The following EML4 variants were observed in gnomAD, a reference collection of about 807,000 sequenced individuals.
EML4 encodes the protein echinoderm microtubule-associated protein-like 4.
EML4 carries 72 observed loss-of-function variants against 129.0 expected under a neutral mutation model. That is an observed-to-expected ratio of 0.56 (90% CI 0.46 to 0.68). EML4 has a LOEUF of 0.68. Ranked by LOEUF, EML4 falls within the 30% of genes least tolerant of loss-of-function variation. The pLI is 0.00. For missense variants in EML4, 1,363 were observed against 1,190.6 expected, an observed-to-expected ratio of 1.14 and a Z score of -2.13; for synonymous variants, 532 against 405.0, an observed-to-expected ratio of 1.31 and a Z score of -3.77.
intron 6 of EML4, among the ~76,000 whole-genome samples, chr2:42,272,108 A>G (rs1040957417): frequency 2.0e-5 from 3 of 151,976 alleles, no homozygotes; most frequent in Non-Finnish European, 4.4e-5. Context: ...CCTGTCCAAA[A>G]ATGGCAGTTA....
chr2:42,259,945 T>C (rs1665619552), intron 3 of EML4, among the ~76,000 whole-genome samples: 1 of 151,910 alleles, frequency 6.6e-6, no homozygotes, highest in African/African-American at 2.4e-5. Context: ...TTAGGCAGGA[T>C]GGTCTTGATC....
chr2:42,297,754 T>C (rs910819208), intron 13 of EML4, among the ~76,000 whole-genome samples: 1 of 152,216 alleles, frequency 6.6e-6, no homozygotes, highest in Non-Finnish European at 1.5e-5. Context: ...CCAACCAAAA[T>C]TTGAGTGTAC....
intron 9 of EML4, 31 bp from the exon 10 acceptor site, chr2:42,286,238 C>G (rs1294054791): frequency 2.4e-6 from 3 of 1,244,568 alleles, no homozygotes; most frequent in Non-Finnish European, 1.2e-6. Flanking sequence ...ATCCACCTGT[C>G]CAGTTGCTCT....
intron 19 of EML4, among the ~76,000 whole-genome samples, chr2:42,318,848 G>A (rs1237832085): frequency 2.0e-5 from 3 of 151,958 alleles, no homozygotes; most frequent in African/African-American, 7.3e-5. Context: ...GGCACCATAG[G>A]TGTGTGCCAC....
At chr2:42,169,766 C>T (rs1053277241) in intron 1 of EML4, 130 bp downstream of exon 1, 5 of 1,028,918 alleles carry the variant, frequency 4.9e-6, no homozygotes, top group Admixed American at 3.3e-5. Context: ...ATGTTCCCTT[C>T]GAGGCTGCCG....
chr2:42,182,353 A>G (rs1670998687), intron 1 of EML4, among the ~76,000 whole-genome samples: 1 of 122,404 alleles, frequency 8.2e-6, no homozygotes, highest in African/African-American at 3.2e-5. Flanking sequence ...TCAGGTTCTG[A>G]TTGAACCTGT....
chr2:42,258,440 G>A (rs1665490836), intron 3 of EML4, among the ~76,000 whole-genome samples: 1 of 151,552 alleles, frequency 6.6e-6, no homozygotes, highest in Admixed American at 6.6e-5. Flanking sequence ...TGCTCTTGTT[G>A]CCCAGGCTGG....
intron 1 of EML4, among the ~76,000 whole-genome samples, chr2:42,232,658 G>C (rs1264641495): frequency 6.6e-6 from 1 of 152,188 alleles, no homozygotes; most frequent in African/African-American, 2.4e-5. Flanking sequence ...GTGCTTTCCT[G>C]AGTCTTACTT....
chr2:42,253,992 G>T (rs1675960540), intron 2 of EML4, among the ~76,000 whole-genome samples: 1 of 152,192 alleles, frequency 6.6e-6, no homozygotes, highest in Admixed American at 6.5e-5. Flanking sequence ...TAGAATAAGA[G>T]AAAATATTTG....
chr2:42,186,343 A>G (rs926895660), intron 1 of EML4, among the ~76,000 whole-genome samples: 1 of 152,204 alleles, frequency 6.6e-6, no homozygotes, highest in Non-Finnish European at 1.5e-5. Flanking sequence ...TATACTTGAA[A>G]AAAAAAAACT....
At chr2:42,273,670 A>G (rs553625525) in intron 6 of EML4, among the ~76,000 whole-genome samples, 4 of 143,144 alleles carry the variant, frequency 2.8e-5, no homozygotes, top group African/African-American at 4.9e-5. Flanking sequence ...AGCATTTTGT[A>G]CTTAGTCAGA....
chr2:42,276,871 A>G (rs943754204), intron 6 of EML4, among the ~76,000 whole-genome samples: 1 of 152,232 alleles, frequency 6.6e-6, no homozygotes, highest in African/African-American at 2.4e-5. Flanking sequence ...TCCAACATAT[A>G]TGACCAATTT....
chr2:42,231,400 G>A (rs924598260), intron 1 of EML4, among the ~76,000 whole-genome samples: 1 of 152,032 alleles, frequency 6.6e-6, no homozygotes, highest in African/African-American at 2.4e-5. Flanking sequence ...TCTAATTCAG[G>A]CCTCTATCTT....
intron 2 of EML4, 96 bp from the exon 3 acceptor site, chr2:42,256,405 A>G: frequency 8.3e-7 from 1 of 1,205,238 alleles, no homozygotes; most frequent in Non-Finnish European, 1.1e-6. Context: ...TTTTTTTTCT[A>G]CCACCCCCTC....
chr2:42,324,782 G>T (rs778777218), intron 19 of EML4, among the ~76,000 whole-genome samples: 1 of 152,218 alleles, frequency 6.6e-6, no homozygotes, highest in Non-Finnish European at 1.5e-5. Context: ...GTGCTTATAC[G>T]TGAAGCCAAC....
In EML4 at chr2:42,331,375, T is replaced by C. The variant is rs1670091109; in HGVS notation, c.*1168T>C. 4.4e-6 allele frequency: 1 copy of C among 224,974 alleles called. No individual in the cohort carries two copies. Among genetic ancestry groups the C allele is most frequent in the African/African-American group, 2.2e-5 (1 of 44,914 alleles). The allele number at this position is 224,974 out of a possible 1,614,324, so 13.9% of individuals were successfully genotyped here. Reference sequence around the variant, plus strand: ...AGTCTAATGTGGCTATCCTACTCTTTTGGGCAATGCATGTATTATGCATTG... The same window carrying C: ...AGTCTAATGTGGCTATCCTACTCTTCTGGGCAATGCATGTATTATGCATTG... On this transcript the variant is annotated 3_prime_UTR_variant, in exon 23 of 23. Coordinates refer to ENST00000318522, the MANE Select transcript of EML4 (RefSeq NM_019063.5).
chr2:42,312,512 C>T (rs1669016296), intron 17 of EML4, among the ~76,000 whole-genome samples: 2 of 152,042 alleles, frequency 1.3e-5, no homozygotes, highest in Non-Finnish European at 2.9e-5. Flanking sequence ...CATATCATAA[C>T]CCAGACAATT....
At chr2:42,328,824 A>G (rs1194899812) in intron 21 of EML4, 62 bp from the exon 22 acceptor site, 3 of 1,319,760 alleles carry the variant, frequency 2.3e-6, no homozygotes, top group African/African-American at 2.9e-5. Flanking sequence ...ATAAACATAT[A>G]TAGCATCACA....
In EML4 at chr2:42,245,638, A is replaced by T. The variant is rs1448106598; in HGVS notation, c.159A>T (p.Ala53=). The T allele has an allele frequency of 3.1e-6, 5 of 1,613,654 alleles. No individual in the cohort carries two copies. The highest frequency in any genetic ancestry group is 4.2e-6 in the Non-Finnish European group (5 of 1,179,688). The change falls in exon 2 of 23, where the codon GCA becomes GCT. Residue 53 remains alanine, a synonymous_variant. Coordinates refer to ENST00000318522, the MANE Select transcript of EML4 (RefSeq NM_019063.5). Reference sequence around the variant, plus strand: ...TGGCTGATGTTTTGAGGCGTCTTGCAATCTCTGAAGATCATGTGGCCTCAG... The same window carrying T: ...TGGCTGATGTTTTGAGGCGTCTTGCTATCTCTGAAGATCATGTGGCCTCAG... ...AALADVLRRL[A]ISEDHVASVK...
Sources: gnomAD v4.1 joint callset for allele counts (sites outside exome capture counted in the v4.1 genomes callset) on GRCh38, gnomAD v4.1.1 for gene constraint, MANE v1.5 for transcripts, NCBI Gene and HGNC (gene_info 2026-07-23, HGNC 2026-07-21) for gene names.